SAMMSON: variants seen among roughly 807,000 people sequenced by gnomAD.
SAMMSON encodes long intergenic non-protein coding RNA 1212.
At chr3:70,104,474 G>A (rs1056840901) in intron 4 of SAMMSON, among the ~76,000 whole-genome samples, 2 of 152,056 alleles carry the variant, frequency 1.3e-5, no homozygotes, top group African/African-American at 2.4e-5. Context: ...GCTGATAGAA[G>A]TAAAAGCCCT....
intron 9 of SAMMSON, among the ~76,000 whole-genome samples, chr3:70,370,149 T>C (rs935104393): frequency 2.0e-5 from 3 of 151,976 alleles, no homozygotes; most frequent in Non-Finnish European, 2.9e-5. Context: ...GATGTCATTC[T>C]TTCTTATGGT....
intron 2 of SAMMSON, among the ~76,000 whole-genome samples, chr3:70,431,319 T>C (rs770648149): frequency 6.6e-6 from 1 of 152,048 alleles, no homozygotes. Flanking sequence ...TTCTCTAGTT[T>C]TGGGTGAAAA....
intron 7 of SAMMSON, among the ~76,000 whole-genome samples, chr3:70,333,587 C>T (rs372401138): frequency 1.2e-4 from 19 of 152,120 alleles, no homozygotes; most frequent in East Asian, 1.2e-3. Flanking sequence ...GAAAACCATC[C>T]GGGCCTTGAT....
chr3:70,243,032 G>A (rs1389122655), intron 4 of SAMMSON, among the ~76,000 whole-genome samples: 2 of 152,144 alleles, frequency 1.3e-5, no homozygotes, highest in East Asian at 3.9e-4. Flanking sequence ...TGGGTTTTTA[G>A]CATATTTCTG....
rs572236865 is a variant in SAMMSON, at chr3:70,321,655, T to C, written n.739+30412T>C. On this transcript the variant is annotated intron_variant and non_coding_transcript_variant, in intron 7 of 9. Transcript: ENST00000642114. Reference sequence around the variant, plus strand: ...ATAAAACTGTCATTAGAAAATGCAATTGAAAAAATACTCTTCATTACCCTA... The same window carrying C: ...ATAAAACTGTCATTAGAAAATGCAACTGAAAAAATACTCTTCATTACCCTA... 1.2e-3 allele frequency among the ~76,000 whole-genome samples: 185 copies of C among 152,132 alleles called. 2 individuals carry two copies. Among genetic ancestry groups the C allele is most frequent in the South Asian group, 0.011 (52 of 4,828 alleles).
At chr3:70,192,392 A>G (rs760386232) in intron 4 of SAMMSON, among the ~76,000 whole-genome samples, 7 of 152,208 alleles carry the variant, frequency 4.6e-5, no homozygotes, top group Non-Finnish European at 1.0e-4. Context: ...TGTGAAGCAG[A>G]GAAGGAGACT....
chr3:70,356,913 A>G (rs1328451895), intron 8 of SAMMSON, among the ~76,000 whole-genome samples: 1 of 152,192 alleles, frequency 6.6e-6, no homozygotes. Flanking sequence ...TGTGATAAGT[A>G]CTTTTAATCT....
intron 4 of SAMMSON, among the ~76,000 whole-genome samples, chr3:70,209,158 A>G (rs892118337): frequency 2.0e-5 from 3 of 152,086 alleles, no homozygotes; most frequent in Non-Finnish European, 4.4e-5. Flanking sequence ...GGACATTCAA[A>G]TGATGTCTTA....
intron 9 of SAMMSON, among the ~76,000 whole-genome samples, chr3:70,383,926 T>C (rs1470477525): frequency 6.6e-6 from 1 of 152,102 alleles, no homozygotes. Flanking sequence ...TTTTCTTGTA[T>C]CAGCACTACC....
At chr3:70,069,193 G>A (rs1409383158) in intron 3 of SAMMSON, 1 of 151,972 alleles carries the variant, frequency 6.6e-6, no homozygotes, top group Non-Finnish European at 1.5e-5. Context: ...AAAATTTGGG[G>A]CAACAAAAGC....
chr3:70,171,619 G>A (rs938210807), intron 4 of SAMMSON, among the ~76,000 whole-genome samples: 2 of 151,796 alleles, frequency 1.3e-5, no homozygotes, highest in African/African-American at 4.8e-5. Context: ...AGTCTTTGGG[G>A]GGGGGAGCTT....
At chr3:70,148,048 C>T (rs1251617579) in intron 4 of SAMMSON, among the ~76,000 whole-genome samples, 5 of 152,006 alleles carry the variant, frequency 3.3e-5, no homozygotes, top group Non-Finnish European at 7.4e-5. Flanking sequence ...ATATCATTAT[C>T]CATTAAGGAA....
At position 70,092,788 on chromosome 3, in the gene SAMMSON, G is replaced by T. The variant is rs541252032; in HGVS notation, n.507+21223G>T. Among the ~76,000 whole-genome samples, 7 of 152,098 alleles carry T rather than the reference G, an allele frequency of 4.6e-5. No individual in the cohort carries two copies. In the South Asian group the frequency reaches 1.5e-3, roughly 32 times the overall value. On this transcript the variant is annotated intron_variant and non_coding_transcript_variant, in intron 4 of 9. Transcript: ENST00000642114. Reference sequence around the variant, plus strand: ...AAATGCAAATGTACTTTTGTGTATAGATGTGACCATTACTCCTTTTATTTG... The same window carrying T: ...AAATGCAAATGTACTTTTGTGTATATATGTGACCATTACTCCTTTTATTTG...
At chr3:70,321,448 C>G (rs532600044) in intron 7 of SAMMSON, among the ~76,000 whole-genome samples, 1 of 152,026 alleles carries the variant, frequency 6.6e-6, no homozygotes, top group Non-Finnish European at 1.5e-5. Context: ...TATTGTATTC[C>G]ATTGTGCTAA....
chr3:70,271,048 A>G, intron 6 of SAMMSON, among the ~76,000 whole-genome samples: 1 of 152,114 alleles, frequency 6.6e-6, no homozygotes, highest in Non-Finnish European at 1.5e-5. Context: ...AAAAAGAAAT[A>G]TTGAAAATAA....
intron 2 of SAMMSON, among the ~76,000 whole-genome samples, chr3:70,395,922 C>A (rs543704422): frequency 6.6e-6 from 1 of 152,246 alleles, no homozygotes; most frequent in South Asian, 2.1e-4. Context: ...GCTCATCCAA[C>A]CCTTCCTATG....
chr3:70,131,391 G>C (rs1051305885), intron 4 of SAMMSON, among the ~76,000 whole-genome samples: 1 of 152,128 alleles, frequency 6.6e-6, no homozygotes, highest in African/African-American at 2.4e-5. Flanking sequence ...AACCCCATGA[G>C]GTTTTCCCTG....
downstream of SAMMSON, among the ~76,000 whole-genome samples, chr3:70,391,980 A>G (rs1701052700): frequency 6.6e-6 from 1 of 152,108 alleles, no homozygotes; most frequent in Non-Finnish European, 1.5e-5. Flanking sequence ...CGAGAACTCT[A>G]CTATCTGTTT....
chr3:70,264,394 C>G (rs13081397), intron 6 of SAMMSON, among the ~76,000 whole-genome samples: 60,984 of 152,096 alleles, frequency 0.4, 13,454 homozygotes, highest in Non-Finnish European at 0.51. Flanking sequence ...AGGGCAAACA[C>G]AGCAACAGGG....
Sources: allele counts gnomAD v4.1 joint callset (sites outside exome capture counted in the v4.1 genomes callset), GRCh38; gene constraint gnomAD v4.1.1; transcripts MANE v1.5; gene names NCBI Gene and HGNC (gene_info 2026-07-23, HGNC 2026-07-21).